TXLNB: variants seen among roughly 807,000 people sequenced by gnomAD.
TXLNB encodes the protein taxilin beta.
Under a neutral mutation model 57.4 loss-of-function variants are expected in TXLNB, and 37 were observed. The observed-to-expected ratio is 0.64, with a 90% confidence interval of 0.50 to 0.85. The LOEUF (loss-of-function observed/expected upper bound fraction) is 0.85. TXLNB is among the 40% of genes least tolerant of loss of function. The pLI is 0.00. For synonymous variants in TXLNB, 302 were observed against 309.6 expected, an observed-to-expected ratio of 0.98 and a Z score of 0.26; for missense variants, 848 against 825.6, an observed-to-expected ratio of 1.03 and a Z score of -0.33.
downstream of TXLNB, among the ~76,000 whole-genome samples, chr6:139,235,828 A>AAG (rs1775830416): frequency 6.6e-6 from 1 of 152,026 alleles, no homozygotes; most frequent in African/African-American, 2.4e-5. Flanking sequence ...GACACCCTAG[A>AAG]AGACACAGCT....
intron 6 of TXLNB, among the ~76,000 whole-genome samples, chr6:139,255,998 C>T (rs1583000256): frequency 6.6e-6 from 1 of 151,966 alleles, no homozygotes; most frequent in East Asian, 1.9e-4. Flanking sequence ...AGGAGGATCA[C>T]TTGAGCCCAG....
At chr6:139,166,856 C>T in the TXLNB span, 1 of 1,613,996 alleles carries the variant, frequency 6.2e-7, no homozygotes, top group Non-Finnish European at 8.5e-7. Context: ...CATCCTCTCT[C>T]CTGCCCACTT....
chr6:139,249,974 A>T (rs943028861), intron 7 of TXLNB, among the ~76,000 whole-genome samples: 2 of 151,938 alleles, frequency 1.3e-5, no homozygotes, highest in Non-Finnish European at 1.5e-5. Flanking sequence ...TCTGTCTCTC[A>T]CACACACACG....
intron 1 of TXLNB, among the ~76,000 whole-genome samples, chr6:139,291,007 C>G (rs1231323503): frequency 1.3e-5 from 2 of 152,242 alleles, no homozygotes; most frequent in South Asian, 4.1e-4. Flanking sequence ...TTTTCTTTCA[C>G]TGGTTTGAAT....
chr6:139,182,022 GCTT>G, the TXLNB span, among the ~76,000 whole-genome samples: 1 of 152,196 alleles, frequency 6.6e-6, no homozygotes, highest in African/African-American at 2.4e-5. Context: ...TTGATCGTAT[GCTT>G]CTTCATTATA....
upstream of TXLNB, among the ~76,000 whole-genome samples, chr6:139,296,605 C>G (rs1179884050): frequency 1.3e-5 from 2 of 152,214 alleles, no homozygotes; most frequent in East Asian, 1.9e-4. Flanking sequence ...TGTTGCTCAC[C>G]CTTGTCCTCC....
the TXLNB span, among the ~76,000 whole-genome samples, chr6:139,302,320 G>GA: frequency 0.015 from 1,909 of 124,510 alleles, 48 homozygotes; most frequent in Middle Eastern, 0.072. Flanking sequence ...AGAGAGAGGA[G>GA]AAAAAAAAAA....
the TXLNB span, among the ~76,000 whole-genome samples, chr6:139,232,719 G>T: frequency 6.6e-6 from 1 of 152,132 alleles, no homozygotes; most frequent in Non-Finnish European, 1.5e-5. Context: ...TGAAATGCTC[G>T]AATTTGTTTT....
At chr6:139,310,714 G>A in the TXLNB span, among the ~76,000 whole-genome samples, 1 of 152,044 alleles carries the variant, frequency 6.6e-6, no homozygotes, top group Non-Finnish European at 1.5e-5. Context: ...TTTTTTTTGA[G>A]ACAAGAGTCT....
At chr6:139,232,136 G>A in the TXLNB span, among the ~76,000 whole-genome samples, 97,510 of 152,018 alleles carry the variant, frequency 0.64, 32,003 homozygotes, top group East Asian at 0.81. Flanking sequence ...AGTTCCACAT[G>A]GCTGGGACTG....
the TXLNB span, among the ~76,000 whole-genome samples, chr6:139,231,480 C>T: frequency 6.6e-6 from 1 of 152,096 alleles, no homozygotes; most frequent in Non-Finnish European, 1.5e-5. Context: ...AGCACAGAAC[C>T]TCATGCAGAG....
At chr6:139,171,385 G>A in the TXLNB span, among the ~76,000 whole-genome samples, 101 of 152,254 alleles carry the variant, frequency 6.6e-4, no homozygotes, top group African/African-American at 2.2e-3. Flanking sequence ...TAGATAATGC[G>A]CACATTAGAT....
At chr6:139,172,268 C>G in the TXLNB span, among the ~76,000 whole-genome samples, 8 of 152,188 alleles carry the variant, frequency 5.3e-5, no homozygotes, top group Non-Finnish European at 1.0e-4. Context: ...CTAGCCTGAT[C>G]ATGTGTTTTT....
the TXLNB span, among the ~76,000 whole-genome samples, chr6:139,224,714 AAT>A: frequency 6.6e-6 from 1 of 152,060 alleles, no homozygotes; most frequent in Non-Finnish European, 1.5e-5. Flanking sequence ...TATTAAAGAA[AAT>A]TAAATCCACA....
chr6:139,275,241 T>C (rs2114586182), intron 3 of TXLNB, among the ~76,000 whole-genome samples: 1 of 152,332 alleles, frequency 6.6e-6, no homozygotes, highest in African/African-American at 2.4e-5. Context: ...GAGAGGAATT[T>C]AAATATATTC....
At chr6:139,195,543 A>C in the TXLNB span, among the ~76,000 whole-genome samples, 1 of 152,238 alleles carries the variant, frequency 6.6e-6, no homozygotes, top group African/African-American at 2.4e-5. Flanking sequence ...AGATACCTTC[A>C]TCCAACTATG....
At chr6:139,251,349 T>G (rs1776200439) in intron 7 of TXLNB, 1 of 152,206 alleles carries the variant, frequency 6.6e-6, no homozygotes, top group African/African-American at 2.4e-5. Flanking sequence ...ATTTCTTCCT[T>G]CCAGTGACCA....
intron 1 of TXLNB, among the ~76,000 whole-genome samples, chr6:139,290,058 G>C (rs1180770141): frequency 6.6e-6 from 1 of 152,116 alleles, no homozygotes; most frequent in South Asian, 2.1e-4. Context: ...TTAAGACAGG[G>C]AATGAGGGAA....
chr6:139,214,856 A>C, the TXLNB span, among the ~76,000 whole-genome samples: 1 of 152,362 alleles, frequency 6.6e-6, no homozygotes, highest in South Asian at 2.1e-4. Context: ...GAGCCAAATC[A>C]TGAGTGAACT....
Sources: gnomAD v4.1 joint callset for allele counts (sites outside exome capture counted in the v4.1 genomes callset) on GRCh38, gnomAD v4.1.1 for gene constraint, MANE v1.5 for transcripts, NCBI Gene and HGNC (gene_info 2026-07-23, HGNC 2026-07-21) for gene names.